Variants in GNB1 observed in about 807,000 individuals in gnomAD.
GNB1 encodes the protein G protein subunit beta 1, also known as guanine nucleotide-binding protein G(I)/G(S)/G(T) subunit beta-1.
A neutral mutation model predicts 42.9 loss-of-function variants in GNB1; 2 were observed. The ratio of observed to expected loss-of-function variants is 0.05; its 90% CI spans 0.02 to 0.15. The LOEUF (loss-of-function observed/expected upper bound fraction) is 0.15. GNB1 is among the 10% of genes least tolerant of loss of function. GNB1 has a pLI of 1.00. For missense variants in GNB1, 193 were observed against 462.2 expected (o/e 0.42, Z 5.34); for synonymous variants, 183 against 174.7 (o/e 1.05, Z -0.38).
chr1:1,802,741 G>A (rs1365796781), intron 7 of GNB1, among the ~76,000 whole-genome samples: 1 of 150,714 alleles, frequency 6.6e-6, no homozygotes, highest in Non-Finnish European at 1.5e-5. Flanking sequence ...TACAGCCTGG[G>A]TGACAGAGCA....
At chr1:1,815,326 C>T (rs1251107818) in intron 5 of GNB1, among the ~76,000 whole-genome samples, 2 of 152,088 alleles carry the variant, frequency 1.3e-5, no homozygotes. Context: ...CCTCAGGATC[C>T]TCGGGGCAGG....
At chr1:1,819,410 G>A (rs370226623) in intron 3 of GNB1, among the ~76,000 whole-genome samples, 34 of 152,134 alleles carry the variant, frequency 2.2e-4, no homozygotes, top group African/African-American at 7.2e-4. Flanking sequence ...TAGTAGAGAT[G>A]AGGTTTCACC....
intron 5 of GNB1, among the ~76,000 whole-genome samples, chr1:1,810,229 C>T (rs1646756639): frequency 1.3e-5 from 2 of 151,814 alleles, no homozygotes; most frequent in African/African-American, 4.8e-5. Context: ...CCGCGCCTGG[C>T]TTATTTTTTG....
In GNB1 at chr1:1,801,014, G is replaced by A. The variant is rs1245772759; in HGVS notation, c.430+3405C>T. ...ACTGGACATGGAAGATCTCTCTGGA[G>A]GGCAGAGTAGATTTACTTCATTCTT... On this transcript the variant is annotated intron_variant, in intron 7 of 11. Coordinates refer to ENST00000378609, the MANE Select transcript of GNB1 (RefSeq NM_002074.5). Among the ~76,000 whole-genome samples the A allele has an allele frequency of 2.0e-5, 3 of 152,184 alleles. No individual in the cohort carries two copies. In the East Asian group the frequency reaches 5.8e-4, roughly 29 times the overall value.
chr1:1,845,875 A>G (rs1288217478), intron 1 of GNB1, among the ~76,000 whole-genome samples: 4 of 148,062 alleles, frequency 2.7e-5, no homozygotes, highest in Admixed American at 6.7e-5. Flanking sequence ...ACACACACGT[A>G]TATCTCCTAT....
At chr1:1,834,341 T>C (rs955061798) in intron 2 of GNB1, among the ~76,000 whole-genome samples, 10 of 152,184 alleles carry the variant, frequency 6.6e-5, no homozygotes, top group South Asian at 4.1e-4. Context: ...TTATTTCTCA[T>C]GCATCACAAA....
At chr1:1,866,002 A>T (rs1453834427) in intron 1 of GNB1, among the ~76,000 whole-genome samples, 1 of 151,510 alleles carries the variant, frequency 6.6e-6, no homozygotes, top group Admixed American at 6.6e-5. Flanking sequence ...ACAATGGCGC[A>T]ACGTTGGCTC....
At chr1:1,854,797 C>A (rs1011723999) in intron 1 of GNB1, among the ~76,000 whole-genome samples, 2 of 152,224 alleles carry the variant, frequency 1.3e-5, no homozygotes, top group African/African-American at 4.8e-5. Flanking sequence ...CTTTGGGAAG[C>A]CGAGGTGGAT....
At chr1:1,864,911 G>T (rs992589867) in intron 1 of GNB1, among the ~76,000 whole-genome samples, 1 of 152,174 alleles carries the variant, frequency 6.6e-6, no homozygotes, top group Non-Finnish European at 1.5e-5. Flanking sequence ...CTTTGGTTTT[G>T]CCTGATTGCC....
intron 2 of GNB1, 30 bp from the exon 3 acceptor site, chr1:1,825,529 A>C: frequency 9.5e-7 from 1 of 1,055,634 alleles, no homozygotes; most frequent in Non-Finnish European, 1.5e-6. Flanking sequence ...ACAATCAATA[A>C]ACAACTGTTG....
chr1:1,840,381 C>T (rs1368441416), intron 1 of GNB1, among the ~76,000 whole-genome samples: 1 of 151,264 alleles, frequency 6.6e-6, no homozygotes, highest in African/African-American at 2.4e-5. Flanking sequence ...ACAAAAAATT[C>T]GCCGAGCGTA....
At chr1:1,860,497 C>T (rs544179816) in intron 1 of GNB1, among the ~76,000 whole-genome samples, 8 of 151,922 alleles carry the variant, frequency 5.3e-5, no homozygotes, top group South Asian at 2.1e-4. Context: ...ATTAGCCAGT[C>T]GTGGTGGTGG....
chr1:1,825,383 A>G lies in GNB1; in HGVS notation c.57+14T>C, dbSNP rs1401454903. On this transcript the variant is annotated intron_variant, in intron 3 of 11. Transcript: ENST00000378609. Reference sequence around the variant, plus strand: ...TCAAATGATTAATAAAACCAAGCACACACAACTACATACTCGAATCTGGTT... The same window carrying G: ...TCAAATGATTAATAAAACCAAGCACGCACAACTACATACTCGAATCTGGTT... The G allele has an allele frequency of 6.3e-7, 1 of 1,592,946 alleles. No homozygotes were observed. The highest frequency in any genetic ancestry group is 2.2e-5 in the East Asian group (1 of 44,764).
chr1:1,808,674 C>T (rs947212712), intron 5 of GNB1, among the ~76,000 whole-genome samples: 17 of 152,120 alleles, frequency 1.1e-4, no homozygotes, highest in Admixed American at 5.2e-4. Flanking sequence ...GACAGAGTCT[C>T]GCTCTGTCAC....
chr1:1,819,147 T>C (rs938321118), intron 3 of GNB1, among the ~76,000 whole-genome samples: 1 of 151,848 alleles, frequency 6.6e-6, no homozygotes, highest in African/African-American at 2.4e-5. Context: ...GAAAGGTACG[T>C]AACATGAAGG....
intron 5 of GNB1, 95 bp downstream of exon 5, chr1:1,815,661 C>A: frequency 1.4e-6 from 1 of 702,052 alleles, no homozygotes; most frequent in Non-Finnish European, 2.6e-6. Context: ...TTCTTCACTG[C>A]ACAGCACAGC....
intron 2 of GNB1, among the ~76,000 whole-genome samples, chr1:1,828,813 G>A (rs1006212603): frequency 2.0e-5 from 3 of 152,012 alleles, no homozygotes; most frequent in Admixed American, 1.3e-4. Context: ...AGGTCAAGTC[G>A]GGAGGACTGC....
intron 1 of GNB1, among the ~76,000 whole-genome samples, chr1:1,875,163 G>A (rs1649472746): frequency 6.6e-6 from 1 of 151,874 alleles, no homozygotes; most frequent in Non-Finnish European, 1.5e-5. Flanking sequence ...GGAGTTGGGG[G>A]CCCATGCTTA....
intron 1 of GNB1, among the ~76,000 whole-genome samples, chr1:1,873,480 A>T (rs1243592483): frequency 1.3e-5 from 2 of 152,224 alleles, no homozygotes; most frequent in Non-Finnish European, 2.9e-5. Context: ...CAGTGAACAG[A>T]GATGAGCCCT....
Sources: gnomAD v4.1 joint callset for allele counts (sites outside exome capture counted in the v4.1 genomes callset) on GRCh38, gnomAD v4.1.1 for gene constraint, MANE v1.5 for transcripts, NCBI Gene and HGNC (gene_info 2026-07-23, HGNC 2026-07-21) for gene names.